The following GPR149 variants were observed in gnomAD, a reference collection of about 807,000 sequenced individuals.
GPR149 encodes G protein-coupled receptor 149.
Under a neutral mutation model 50.2 loss-of-function variants are expected in GPR149, and 50 were observed. The ratio of observed to expected loss-of-function variants is 1.00; its 90% confidence interval spans 0.79 to 1.26. The LOEUF is 1.26. Among genes scored for constraint, GPR149 ranks in the 50% most tolerant of loss-of-function variants. The probability of loss-of-function intolerance (pLI) is 0.00; values close to 1 mark genes in which losing one functional copy is unlikely to be tolerated. For missense variants in GPR149, 983 were observed against 895.4 expected (o/e 1.10, Z -1.25); for synonymous variants, 405 against 358.2 (o/e 1.13, Z -1.48).
At chr3:154,400,521 A>G (rs1711527982) in intron 3 of GPR149, among the ~76,000 whole-genome samples, 1 of 152,194 alleles carries the variant, frequency 6.6e-6, no homozygotes, top group South Asian at 2.1e-4. Flanking sequence ...GGAGCTTTAT[A>G]TGCAAAGAAC....
intron 2 of GPR149, among the ~76,000 whole-genome samples, chr3:154,423,198 T>TGATAG (rs1463371203): frequency 6.6e-6 from 1 of 151,876 alleles, no homozygotes; most frequent in Non-Finnish European, 1.5e-5. Flanking sequence ...GACCATGATG[T>TGATAG]GATAGAACAT....
At chr3:154,404,650 G>A (rs1033210686) in intron 3 of GPR149, among the ~76,000 whole-genome samples, 8 of 152,148 alleles carry the variant, frequency 5.3e-5, no homozygotes, top group African/African-American at 1.9e-4. Flanking sequence ...TGAACATATG[G>A]ACTGTCTCTG....
intron 2 of GPR149, among the ~76,000 whole-genome samples, chr3:154,425,916 T>C (rs978948982): frequency 3.3e-5 from 5 of 152,130 alleles, no homozygotes; most frequent in African/African-American, 1.2e-4. Context: ...TCCCCACTTC[T>C]TAAAAATGAC....
intron 3 of GPR149, among the ~76,000 whole-genome samples, chr3:154,378,638 A>T (rs1042577599): frequency 1.3e-5 from 2 of 152,278 alleles, no homozygotes. Context: ...TGTTTTCCAA[A>T]CAGGTTGTGC....
intron 3 of GPR149, among the ~76,000 whole-genome samples, chr3:154,350,236 G>A (rs1355245037): frequency 6.6e-6 from 1 of 152,038 alleles, no homozygotes; most frequent in Non-Finnish European, 1.5e-5. Flanking sequence ...AAATTGTACA[G>A]ACCAGAAAGG....
At chr3:154,342,250 T>G (rs963110886) in intron 3 of GPR149, among the ~76,000 whole-genome samples, 1 of 152,142 alleles carries the variant, frequency 6.6e-6, no homozygotes, top group Non-Finnish European at 1.5e-5. Flanking sequence ...ATATTTGTAG[T>G]CTATATAAAA....
At chr3:154,412,666 T>C (rs1711870289) in intron 3 of GPR149, among the ~76,000 whole-genome samples, 2 of 151,974 alleles carry the variant, frequency 1.3e-5, no homozygotes, top group South Asian at 4.1e-4. Context: ...CACAAGCAAA[T>C]GGAAGCACAT....
chr3:154,419,952 G>A (rs542369973), intron 3 of GPR149, among the ~76,000 whole-genome samples: 3 of 151,802 alleles, frequency 2.0e-5, no homozygotes, highest in Non-Finnish European at 2.9e-5. Flanking sequence ...CTAAACATAT[G>A]CACAATTGTC....
chr3:154,358,547 G>A (rs1714301967), intron 3 of GPR149, among the ~76,000 whole-genome samples: 1 of 152,076 alleles, frequency 6.6e-6, no homozygotes. Context: ...ATAAAGCATT[G>A]TTGTTGAAGG....
chr3:154,362,092 A>G (rs533027078), intron 3 of GPR149, among the ~76,000 whole-genome samples: 2 of 152,244 alleles, frequency 1.3e-5, no homozygotes, highest in East Asian at 3.9e-4. Flanking sequence ...GATCGAGACC[A>G]TCCTGGCTAA....
chr3:154,362,876 A>G (rs139118073), intron 3 of GPR149, among the ~76,000 whole-genome samples: 6 of 152,338 alleles, frequency 3.9e-5, no homozygotes, highest in African/African-American at 1.4e-4. Flanking sequence ...CCATGTGTCA[A>G]TGATCAATAT....
At chr3:154,402,599 G>C (rs144558527) in intron 3 of GPR149, among the ~76,000 whole-genome samples, 43 of 150,610 alleles carry the variant, frequency 2.9e-4, no homozygotes, top group African/African-American at 1.0e-3. Flanking sequence ...TGAAAGCCAA[G>C]AAAAAAAAAG....
intron 3 of GPR149, among the ~76,000 whole-genome samples, chr3:154,414,389 A>G (rs756492624): frequency 7.2e-5 from 11 of 152,072 alleles, no homozygotes; most frequent in Non-Finnish European, 1.0e-4. Flanking sequence ...CACATTATTC[A>G]TAATATACAA....
At chr3:154,364,929 G>T (rs1018840070) in intron 3 of GPR149, among the ~76,000 whole-genome samples, 1 of 152,178 alleles carries the variant, frequency 6.6e-6, no homozygotes, top group African/African-American at 2.4e-5. Flanking sequence ...GAGACTCTGT[G>T]GTGGCCCCAC....
At position 154,429,042 on chromosome 3, in the gene GPR149, G is replaced by C. The variant is rs1305421757; in HGVS notation, c.574C>G (p.Leu192Val). The C allele has an allele frequency of 5.6e-6, 9 of 1,614,004 alleles. No homozygotes were observed. The highest frequency in any genetic ancestry group is 7.6e-6 in the Non-Finnish European group (9 of 1,180,014). The change falls in exon 1 of 4, where the codon CTA (leucine) becomes GTA (valine). Residue 192 changes from leucine to valine, a missense_variant. Coordinates refer to ENST00000389740, the MANE Select transcript of GPR149 (RefSeq NM_001038705.3). ...AAAGCGTACACGATAGAGAGGAATA[G>C]TACGTAGGAGCTGGAGCAGTCCACC... ...CLVDCSSSYVLFLSIVYALAF... is the reference protein window; with the variant it reads ...CLVDCSSSYVVFLSIVYALAF...
chr3:154,337,586 C>G lies in GPR149; in HGVS notation c.*113G>C. On this transcript the variant is annotated 3_prime_UTR_variant, in exon 4 of 4. Transcript: ENST00000389740. Reference sequence around the variant, plus strand: ...CCCACAAAAAAATTAACTATTAAATCAGTAAAACTAATGTAAGCCAACAAA... The same window carrying G: ...CCCACAAAAAAATTAACTATTAAATGAGTAAAACTAATGTAAGCCAACAAA... 1 of 852,210 alleles carries G rather than the reference C, an allele frequency of 1.2e-6. No individual in the cohort carries two copies. Among genetic ancestry groups the G allele is most frequent in the Admixed American group, 2.5e-5 (1 of 40,524 alleles). 52.8% of individuals were successfully genotyped at this position (852,210 alleles called of 1,614,324 possible).
rs747164853 is a variant in GPR149, at chr3:154,338,173, C to T, written c.1722G>A (p.Glu574=). 2 of 1,614,074 alleles carry T rather than the reference C, an allele frequency of 1.2e-6. No homozygotes were observed. Among genetic ancestry groups the T allele is most frequent in the South Asian group, 2.2e-5 (2 of 91,080 alleles). ...TTATTTTTTGCCCTTCTGCGCTTAC[C>T]TCATAGGTAGAAAGAGATAGGGTTT... The part of the protein sequence containing the change: ...TGKTLSLSTY[E]VSAEGQKITP... The change falls in exon 4 of 4, where the codon GAG becomes GAA. Residue 574 remains glutamate (E), a synonymous_variant. Transcript: ENST00000389740.
chr3:154,342,058 TTAAAAAATTCTTAA>T (rs1713811077), intron 3 of GPR149, among the ~76,000 whole-genome samples: 1 of 152,192 alleles, frequency 6.6e-6, no homozygotes, highest in Non-Finnish European at 1.5e-5. Flanking sequence ...TGCAAAAATT[TTAAAAAATTCTTAA>T]TAATTCTTTT....
At chr3:154,352,737 C>T (rs923907575) in intron 3 of GPR149, 1 of 788,724 alleles carries the variant, frequency 1.3e-6, no homozygotes, top group Non-Finnish European at 2.3e-6. Flanking sequence ...AAACGGAAGT[C>T]AGAAACCTGA....
Sources: allele counts gnomAD v4.1 joint callset (sites outside exome capture counted in the v4.1 genomes callset), GRCh38; gene constraint gnomAD v4.1.1; transcripts MANE v1.5; gene names NCBI Gene and HGNC (gene_info 2026-07-23, HGNC 2026-07-21).